The following KCTD16 variants were observed in gnomAD, a reference collection of about 807,000 sequenced individuals.
KCTD16 encodes the protein potassium channel tetramerization domain containing 16, also known as BTB/POZ domain-containing protein KCTD16.
A neutral mutation model predicts 33.2 loss-of-function variants in KCTD16; 13 were observed. The observed-to-expected ratio is 0.39, with a 90% CI of 0.25 to 0.62. The LOEUF (loss-of-function observed/expected upper bound fraction) is 0.62. Ranked by LOEUF, KCTD16 falls within the 20% of genes least tolerant of loss-of-function variation. The probability of loss-of-function intolerance (pLI) is 0.50; values close to 1 mark genes in which losing one functional copy is unlikely to be tolerated. For missense variants in KCTD16, 441 were observed against 525.1 expected (o/e 0.84, Z 1.57); for synonymous variants, 197 against 195.3 (o/e 1.01, Z -0.07).
At chr5:144,271,365 A>C (rs1407295037) in intron 3 of KCTD16, among the ~76,000 whole-genome samples, 1 of 152,142 alleles carries the variant, frequency 6.6e-6, no homozygotes, top group East Asian at 1.9e-4. Context: ...AAAATCAATC[A>C]ATGTCATACA....
At chr5:144,274,426 G>T (rs1755387717) in intron 3 of KCTD16, among the ~76,000 whole-genome samples, 2 of 152,154 alleles carry the variant, frequency 1.3e-5, no homozygotes, top group Admixed American at 1.3e-4. Flanking sequence ...AAGGCATGGT[G>T]ATTCAGTCAT....
intron 3 of KCTD16, among the ~76,000 whole-genome samples, chr5:144,424,624 C>T (rs1508786): frequency 0.67 from 102,263 of 152,022 alleles, 35,014 homozygotes; most frequent in South Asian, 0.82. Context: ...TTTGGCTCAT[C>T]GTTCTAGAGG....
intron 3 of KCTD16, among the ~76,000 whole-genome samples, chr5:144,398,470 G>A (rs1752628023): frequency 6.6e-6 from 1 of 152,142 alleles, no homozygotes; most frequent in Admixed American, 6.6e-5. Flanking sequence ...CATAGTTAGA[G>A]TACAGGCAGA....
chr5:144,433,116 A>G (rs1753501236), intron 3 of KCTD16, among the ~76,000 whole-genome samples: 1 of 152,170 alleles, frequency 6.6e-6, no homozygotes, highest in Non-Finnish European at 1.5e-5. Context: ...CACAGTAGGC[A>G]TCACAAACCG....
chr5:144,194,116 G>A (rs1580779004), intron 2 of KCTD16, among the ~76,000 whole-genome samples: 1 of 152,128 alleles, frequency 6.6e-6, no homozygotes, highest in African/African-American at 2.4e-5. Context: ...ATGGTTCACC[G>A]AGACTGAATT....
Position 144,443,513 on chromosome 5 carries a change from C to T in KCTD16, c.833-30147C>T, listed in dbSNP as rs73792025. ...TCTGCTTTCATAAAGAGATGCTTCT[C>T]TTCTTTTACTATTGTTTATCTTAAT... On this transcript the variant is annotated intron_variant, in intron 3 of 3. Transcript: ENST00000512467. 1.6e-3 allele frequency among the ~76,000 whole-genome samples: 238 copies of T among 151,770 alleles called. 2 individuals carry two copies. Among genetic ancestry groups the T allele is most frequent in the African/African-American group, 5.4e-3 (223 of 41,430 alleles).
chr5:144,315,074 T>G (rs1021707854), intron 3 of KCTD16, among the ~76,000 whole-genome samples: 9 of 152,324 alleles, frequency 5.9e-5, no homozygotes, highest in African/African-American at 2.2e-4. Context: ...TGGGCTGTCT[T>G]TCTGGGTTTC....
At chr5:144,291,052 C>T (rs1330776564) in intron 3 of KCTD16, among the ~76,000 whole-genome samples, 5 of 152,176 alleles carry the variant, frequency 3.3e-5, no homozygotes, top group East Asian at 1.9e-4. Context: ...GGGTGGTGAA[C>T]GAAGACTTTG....
chr5:144,354,221 AAT>A (rs938411472), intron 3 of KCTD16, among the ~76,000 whole-genome samples: 13 of 151,662 alleles, frequency 8.6e-5, no homozygotes, highest in African/African-American at 2.9e-4. Flanking sequence ...TGTTCAATTC[AAT>A]ATATATATAT....
intron 3 of KCTD16, among the ~76,000 whole-genome samples, chr5:144,358,643 G>A (rs1009078258): frequency 6.6e-6 from 1 of 152,130 alleles, no homozygotes; most frequent in Non-Finnish European, 1.5e-5. Flanking sequence ...AAACCACAAT[G>A]CCACAAACTG....
chr5:144,378,456 A>G (rs1752140985), intron 3 of KCTD16, among the ~76,000 whole-genome samples: 1 of 152,134 alleles, frequency 6.6e-6, no homozygotes. Context: ...CTCTTACTCT[A>G]CTGAAATGTC....
intron 3 of KCTD16, among the ~76,000 whole-genome samples, chr5:144,453,877 T>A (rs1188633674): frequency 6.6e-6 from 1 of 152,130 alleles, no homozygotes; most frequent in Non-Finnish European, 1.5e-5. Flanking sequence ...ACCAACCCTT[T>A]GTAATAGTTA....
chr5:144,236,496 A>T (rs1331327379), intron 3 of KCTD16, among the ~76,000 whole-genome samples: 1 of 152,138 alleles, frequency 6.6e-6, no homozygotes, highest in African/African-American at 2.4e-5. Flanking sequence ...TATTAATTAT[A>T]CCTACTAAAA....
intron 3 of KCTD16, among the ~76,000 whole-genome samples, chr5:144,270,077 A>C (rs1247812252): frequency 6.6e-6 from 1 of 152,048 alleles, no homozygotes; most frequent in Non-Finnish European, 1.5e-5. Context: ...AATGAGGGTG[A>C]AAAAAGCCAT....
At chr5:144,361,909 TG>T (rs1751723020) in intron 3 of KCTD16, among the ~76,000 whole-genome samples, 3 of 19,136 alleles carry the variant, frequency 1.6e-4, no homozygotes, top group Non-Finnish European at 3.2e-4. Context: ...TGTTATTTTG[TG>T]TGTGTGTGTG....
chr5:144,250,679 T>G (rs1754673726), intron 3 of KCTD16, among the ~76,000 whole-genome samples: 1 of 152,196 alleles, frequency 6.6e-6, no homozygotes, highest in Non-Finnish European at 1.5e-5. Flanking sequence ...CAGACATACT[T>G]GGGTCCAAAT....
chr5:144,327,148 C>T (rs1348345074), intron 3 of KCTD16, among the ~76,000 whole-genome samples: 1 of 152,102 alleles, frequency 6.6e-6, no homozygotes, highest in Non-Finnish European at 1.5e-5. Flanking sequence ...ACAGTATTTC[C>T]TCAGACAGAA....
intron 3 of KCTD16, among the ~76,000 whole-genome samples, chr5:144,299,913 A>C (rs554594519): frequency 1.5e-4 from 22 of 147,624 alleles, no homozygotes; most frequent in South Asian, 4.2e-4. Context: ...AAAAAAAAAA[A>C]AACAAAAAAC....
At chr5:144,245,234 C>T (rs1754517090) in intron 3 of KCTD16, among the ~76,000 whole-genome samples, 1 of 152,018 alleles carries the variant, frequency 6.6e-6, no homozygotes, top group South Asian at 2.1e-4. Flanking sequence ...AAAAATTAAT[C>T]AAAGAATCAA....
Sources: allele counts gnomAD v4.1 joint callset (sites outside exome capture counted in the v4.1 genomes callset), GRCh38; gene constraint gnomAD v4.1.1; transcripts MANE v1.5; gene names NCBI Gene and HGNC (gene_info 2026-07-23, HGNC 2026-07-21).